WARS2: variants seen among roughly 807,000 people sequenced by gnomAD.
WARS2 encodes the protein tryptophanyl tRNA synthetase 2, mitochondrial.
Under a neutral mutation model 36.5 loss-of-function variants are expected in WARS2, and 28 were observed. That is an observed-to-expected ratio of 0.77 (90% CI 0.57 to 1.05). The LOEUF is 1.05. WARS2 is among the 50% of genes least tolerant of loss of function. The pLI is 0.00. For synonymous variants in WARS2, 174 were observed against 178.4 expected (o/e 0.98, Z 0.20); for missense variants, 435 against 456.8 (o/e 0.95, Z 0.44).
chr1:119,104,574 T>G (rs1229429539), intron 1 of WARS2, among the ~76,000 whole-genome samples: 1 of 136,768 alleles, frequency 7.3e-6, no homozygotes, highest in African/African-American at 2.7e-5. Flanking sequence ...ATGTAAAAAA[T>G]AAGAAAGCAA....
At position 119,031,582 on chromosome 1, in the gene WARS2, A is replaced by T. The variant is rs996112841; in HGVS notation, c.*1329T>A. 6.6e-6 allele frequency: 1 copy of T among 152,222 alleles called. No homozygotes were observed. Among genetic ancestry groups the T allele is most frequent in the African/African-American group, 2.4e-5 (1 of 41,454 alleles). 9.4% of individuals were successfully genotyped at this position (152,222 alleles called of 1,614,324 possible). ...TGGTGATCATGGTCCTTACTGATAA[A>T]AAACTTATAAGCAATTTCTGTTACA... is the stretch of plus-strand genomic sequence containing the variant. On this transcript the variant is annotated 3_prime_UTR_variant, in exon 6 of 6. Transcript: ENST00000235521.
chr1:119,104,222 A>G lies in WARS2; in HGVS notation c.91-27615T>C, dbSNP rs914055863. Among the ~76,000 whole-genome samples the G allele has an allele frequency of 4.6e-5, 7 of 151,510 alleles. No homozygotes were observed. The South Asian group carries it at 6.2e-4, about 13-fold the overall frequency. ...CATCCTTCCAGGTCAATATATAGAG[A>G]TGTAACAAATTCTTTTTAAACTATC... is the stretch of plus-strand genomic sequence containing the variant. On this transcript the variant is annotated intron_variant, in intron 1 of 5. Coordinates refer to ENST00000235521, the MANE Select transcript of WARS2 (RefSeq NM_015836.4).
intron 2 of WARS2, among the ~76,000 whole-genome samples, chr1:119,068,714 T>A (rs1297329752): frequency 6.6e-6 from 1 of 152,212 alleles, no homozygotes; most frequent in East Asian, 1.9e-4. Flanking sequence ...CACTCAGGCC[T>A]GCTGGCTTGC....
In WARS2 at chr1:119,031,416, C is replaced by T. The variant is rs1647417000; in HGVS notation, c.*1495G>A. ...CATGATCCAGGCTAGCTCCAAGAAT[C>T]CTAAAAACGATGTTTTAATTTGGAA... On this transcript the variant is annotated 3_prime_UTR_variant, in exon 6 of 6. Transcript: ENST00000235521. The T allele has an allele frequency of 6.6e-6, 1 of 152,134 alleles. No homozygotes were observed. The highest frequency in any genetic ancestry group is 1.5e-5 in the Non-Finnish European group (1 of 68,038). The allele number at this position is 152,134 out of a possible 1,614,324, so 9.4% of individuals were successfully genotyped here. A position where few individuals can be genotyped will look rare whatever the true frequency, so the allele number is the denominator to read the frequency against.
intron 1 of WARS2, among the ~76,000 whole-genome samples, chr1:119,097,910 GA>G (rs1382637941): frequency 6.6e-6 from 1 of 152,090 alleles, no homozygotes; most frequent in Admixed American, 6.6e-5. Flanking sequence ...GATGAGTAGG[GA>G]AAATTTTCAA....
chr1:119,080,022 T>A (rs1234115718), intron 1 of WARS2, among the ~76,000 whole-genome samples: 3 of 152,136 alleles, frequency 2.0e-5, no homozygotes, highest in Non-Finnish European at 4.4e-5. Context: ...CGAGGCTTCC[T>A]CCAGGACCTA....
Position 119,099,509 on chromosome 1 carries a change from C to T in WARS2, c.91-22902G>A, listed in dbSNP as rs587775721. Among the ~76,000 whole-genome samples the T allele has an allele frequency of 3.1e-3, 466 of 152,204 alleles. 4 individuals are homozygous for T. The highest frequency in any genetic ancestry group is 0.011 in the African/African-American group (447 of 41,528). On this transcript the variant is annotated intron_variant, in intron 1 of 5. Coordinates refer to ENST00000235521, the MANE Select transcript of WARS2 (RefSeq NM_015836.4). ...AAGGGGTCAGGGTTTCCTACCACTG[C>T]GAAGATTCCTAAGAACCAAAAGCAA... is the stretch of plus-strand genomic sequence containing the variant.
chr1:119,129,387 A>G (rs1278689370), intron 1 of WARS2, among the ~76,000 whole-genome samples: 4 of 152,198 alleles, frequency 2.6e-5, no homozygotes, highest in Non-Finnish European at 5.9e-5. Context: ...AGTTAGACAT[A>G]GATTTACCAG....
At chr1:119,063,664 A>G (rs1172339414) in intron 2 of WARS2, 1 of 152,276 alleles carries the variant, frequency 6.6e-6, no homozygotes, top group Non-Finnish European at 1.5e-5. Flanking sequence ...GAAAGGGGCC[A>G]AGACAGAGCT....
intron 1 of WARS2, among the ~76,000 whole-genome samples, chr1:119,108,557 A>G (rs1654404859): frequency 6.6e-6 from 1 of 151,732 alleles, no homozygotes; most frequent in Non-Finnish European, 1.5e-5. Context: ...TGATATAAGT[A>G]ATTTGTGTCA....
At chr1:119,091,886 C>T (rs1450971026) in intron 1 of WARS2, among the ~76,000 whole-genome samples, 2 of 152,140 alleles carry the variant, frequency 1.3e-5, no homozygotes, top group Non-Finnish European at 2.9e-5. Flanking sequence ...ATACACAGCA[C>T]AGTGTCTGCC....
intron 1 of WARS2, among the ~76,000 whole-genome samples, chr1:119,123,624 G>A (rs587737763): frequency 2.1e-5 from 3 of 145,242 alleles, no homozygotes; most frequent in Admixed American, 7.1e-5. Flanking sequence ...ACACACACAC[G>A]TTAATGTTAG....
chr1:119,064,800 C>T (rs1336740300), intron 2 of WARS2: 1 of 152,294 alleles, frequency 6.6e-6, no homozygotes, highest in Non-Finnish European at 1.5e-5. Flanking sequence ...TCGGGTATAT[C>T]TTTAACAGCA....
At chr1:119,124,355 T>C (rs587652269) in intron 1 of WARS2, among the ~76,000 whole-genome samples, 2 of 152,168 alleles carry the variant, frequency 1.3e-5, no homozygotes, top group South Asian at 4.1e-4. Context: ...TAGCCAGGTA[T>C]GGTGTGCGCC....
chr1:119,049,471 C>T (rs2101146565), intron 2 of WARS2, among the ~76,000 whole-genome samples: 1 of 152,324 alleles, frequency 6.6e-6, no homozygotes, highest in South Asian at 2.1e-4. Flanking sequence ...CACATCATCT[C>T]ACTGCTTTAA....
intron 2 of WARS2, chr1:119,064,247 C>G (rs555107509): frequency 6.6e-6 from 1 of 152,230 alleles, no homozygotes; most frequent in African/African-American, 2.4e-5. Flanking sequence ...ACCAATTTCT[C>G]CCATTTGGAA....
chr1:119,098,860 C>T (rs900139021), intron 1 of WARS2, among the ~76,000 whole-genome samples: 1 of 152,168 alleles, frequency 6.6e-6, no homozygotes, highest in Non-Finnish European at 1.5e-5. Context: ...CCTCAGCCTT[C>T]CGAGTAGTTG....
intron 1 of WARS2, among the ~76,000 whole-genome samples, chr1:119,105,531 G>A (rs587681808): frequency 6.6e-6 from 1 of 152,222 alleles, no homozygotes; most frequent in South Asian, 2.1e-4. Flanking sequence ...GTGGAGTGGG[G>A]AGCCAAGATA....
intron 1 of WARS2, among the ~76,000 whole-genome samples, chr1:119,080,907 G>T (rs909168007): frequency 2.0e-5 from 3 of 152,186 alleles, no homozygotes; most frequent in African/African-American, 7.2e-5. Context: ...GGGAAGCCTG[G>T]AGCATCAACC....
Sources: allele counts gnomAD v4.1 joint callset (sites outside exome capture counted in the v4.1 genomes callset), GRCh38; gene constraint gnomAD v4.1.1; transcripts MANE v1.5; gene names NCBI Gene and HGNC (gene_info 2026-07-23, HGNC 2026-07-21).